Variants in GRAMD1B observed in about 807,000 individuals in gnomAD.
The protein encoded by GRAMD1B is GRAM domain containing 1B, also known as protein Aster-B.
Under a neutral mutation model 99.7 loss-of-function variants are expected in GRAMD1B, and 37 were observed. That is an observed-to-expected ratio of 0.37 (90% confidence interval 0.29 to 0.49). GRAMD1B has a LOEUF of 0.49. Among genes scored for constraint, GRAMD1B ranks in the 20% least tolerant of loss-of-function variants. The pLI, the probability that GRAMD1B is intolerant of heterozygous loss-of-function variation, is 0.98. For synonymous variants in GRAMD1B, 427 were observed against 387.6 expected, an observed-to-expected ratio of 1.10 and a Z score of -1.19; for missense variants, 888 against 1,009.2, an observed-to-expected ratio of 0.88 and a Z score of 1.63.
chr11:123,422,226 G>A (rs1469533828), intron 1 of GRAMD1B, among the ~76,000 whole-genome samples: 1 of 152,200 alleles, frequency 6.6e-6, no homozygotes, highest in East Asian at 1.9e-4. Flanking sequence ...GTGCAGCAGG[G>A]TAGAGGAAAC....
At chr11:123,569,180 CT>C (rs1286258984) in intron 2 of GRAMD1B, among the ~76,000 whole-genome samples, 1 of 152,148 alleles carries the variant, frequency 6.6e-6, no homozygotes, top group African/African-American at 2.4e-5. Context: ...CCTTTCAGCT[CT>C]TTCTCTGAAC....
intron 1 of GRAMD1B, among the ~76,000 whole-genome samples, chr11:123,394,211 G>A (rs1479260864): frequency 6.6e-6 from 1 of 152,062 alleles, no homozygotes; most frequent in Non-Finnish European, 1.5e-5. Context: ...TCATTCTTTT[G>A]CCTGCTATTA....
intron 4 of GRAMD1B, among the ~76,000 whole-genome samples, chr11:123,588,669 CA>C (rs1214593953): frequency 1.3e-5 from 2 of 152,148 alleles, no homozygotes; most frequent in African/African-American, 4.8e-5. Context: ...GAGAAGTTTG[CA>C]CGTGTGCTGG....
intron 2 of GRAMD1B, among the ~76,000 whole-genome samples, chr11:123,558,006 CAG>C (rs1318268160): frequency 9.1e-6 from 1 of 110,322 alleles, no homozygotes; most frequent in African/African-American, 3.3e-5. Context: ...TTTTTTAATG[CAG>C]AGTCTTGCTC....
chr11:123,594,594 G>A, intron 5 of GRAMD1B, 141 bp from the exon 6 acceptor site: 1 of 627,640 alleles, frequency 1.6e-6, no homozygotes, highest in South Asian at 1.9e-5. Context: ...TTGGCTGCTA[G>A]TTCAAGTGTC....
chr11:123,616,452 C>T lies in GRAMD1B; in HGVS notation c.2318+1617C>T, dbSNP rs561636775. The stretch of plus-strand genomic sequence containing the variant: ...TTGTATTGGATTTTGGTTTGTAGAG[C>T]ACTGTAACCTCAAGTTAGTTCTGTG... On this transcript the variant is annotated intron_variant, in intron 17 of 19. Transcript: ENST00000635736. Among the ~76,000 whole-genome samples, 65 of 152,352 alleles carry T rather than the reference C, an allele frequency of 4.3e-4. No individual in the cohort carries two copies. In the South Asian group the frequency reaches 0.013, roughly 30 times the overall value.
At chr11:123,585,225 G>GT (rs1949948628) in intron 4 of GRAMD1B, among the ~76,000 whole-genome samples, 1 of 152,248 alleles carries the variant, frequency 6.6e-6, no homozygotes, top group East Asian at 1.9e-4. Context: ...AGTAGCTGTG[G>GT]CTGTGAAGGA....
intron 2 of GRAMD1B, among the ~76,000 whole-genome samples, chr11:123,533,850 A>G (rs1057293617): frequency 9.8e-5 from 15 of 152,380 alleles, no homozygotes; most frequent in African/African-American, 3.4e-4. Flanking sequence ...GCAAGGTCAC[A>G]CAGCTCAAAA....
intron 1 of GRAMD1B, among the ~76,000 whole-genome samples, chr11:123,368,275 A>AAAAAAAAAAAAAAAAAAAAAGAAAG (rs60644137): frequency 7.9e-6 from 1 of 127,112 alleles, no homozygotes; most frequent in Non-Finnish European, 1.5e-5. Flanking sequence ...AAAAAAAAAA[A>AAAAAAAAAAAAAAAAAAAAAGAAAG]AAAGAAAGAA....
Position 123,386,018 on chromosome 11 carries a change from G to C in GRAMD1B, c.-176+27219G>C, listed in dbSNP as rs540047779. ...CTGTCAGGCAGATACTCTAGAATAA[G>C]AGAACATCATATGTATAGGCTTGGA... On this transcript the variant is annotated intron_variant, in intron 1 of 20. Coordinates refer to the GRAMD1B transcript ENST00000638157. Among the ~76,000 whole-genome samples, 4 of 152,282 alleles carry C rather than the reference G, an allele frequency of 2.6e-5. No homozygotes were observed. In the East Asian group the frequency reaches 5.8e-4, roughly 22 times the overall value.
intron 1 of GRAMD1B, among the ~76,000 whole-genome samples, chr11:123,389,178 A>G (rs1261591788): frequency 6.6e-6 from 1 of 151,994 alleles, no homozygotes; most frequent in Non-Finnish European, 1.5e-5. Flanking sequence ...AGGTCAGGGG[A>G]TTGAGACCAT....
At chr11:123,400,425 C>T (rs752503706) in intron 1 of GRAMD1B, among the ~76,000 whole-genome samples, 8 of 152,068 alleles carry the variant, frequency 5.3e-5, no homozygotes, top group Non-Finnish European at 8.8e-5. Context: ...TGCAGTGAGC[C>T]GAGATCGTGC....
intron 1 of GRAMD1B, among the ~76,000 whole-genome samples, chr11:123,435,168 T>C (rs938412188): frequency 1.3e-5 from 2 of 152,178 alleles, no homozygotes; most frequent in African/African-American, 2.4e-5. Context: ...GAAATGATGG[T>C]TGGAAAATGG....
intron 1 of GRAMD1B, among the ~76,000 whole-genome samples, chr11:123,418,010 C>T (rs913030801): frequency 2.0e-5 from 3 of 152,108 alleles, no homozygotes; most frequent in Non-Finnish European, 2.9e-5. Context: ...AGCAGCCCTC[C>T]CACCTTGGCC....
At chr11:123,599,724 C>T (rs1187810888) in intron 7 of GRAMD1B, among the ~76,000 whole-genome samples, 1 of 152,208 alleles carries the variant, frequency 6.6e-6, no homozygotes, top group Admixed American at 6.5e-5. Flanking sequence ...CCACCCACCT[C>T]GGCCTCCCAA....
At chr11:123,543,145 A>G (rs1300562818) in intron 2 of GRAMD1B, among the ~76,000 whole-genome samples, 2 of 152,126 alleles carry the variant, frequency 1.3e-5, no homozygotes, top group African/African-American at 4.8e-5. Flanking sequence ...GTGGGAAGAC[A>G]CCAGGGAGCA....
chr11:123,442,879 C>G (rs921303501), intron 1 of GRAMD1B, among the ~76,000 whole-genome samples: 1 of 150,048 alleles, frequency 6.7e-6, no homozygotes, highest in African/African-American at 2.4e-5. Flanking sequence ...CCCTTTTAGA[C>G]TATATAGGGT....
rs561573604 is a variant in GRAMD1B at position 123,394,713 on chromosome 11, G to A, written c.-176+35914G>A. On this transcript the variant is annotated intron_variant, in intron 1 of 20. Transcript: ENST00000638157. ...TAAATCATTTTGTGCTGCTATAACCGAATACCACAGACTAGGTAATTTACA... is the reference window on the plus strand; with the variant it reads ...TAAATCATTTTGTGCTGCTATAACCAAATACCACAGACTAGGTAATTTACA... 7.9e-5 allele frequency among the ~76,000 whole-genome samples: 12 copies of A among 152,168 alleles called. 1 individual carries two copies. The South Asian group carries it at 1.5e-3, about 18-fold the overall frequency.
intron 1 of GRAMD1B, chr11:123,381,404 G>A (rs1946869010): frequency 6.5e-6 from 1 of 154,358 alleles, no homozygotes; most frequent in African/African-American, 2.4e-5. Context: ...TAGGAGAGCT[G>A]GGTCCCAAAT....
Sources: allele counts gnomAD v4.1 joint callset (sites outside exome capture counted in the v4.1 genomes callset), GRCh38; gene constraint gnomAD v4.1.1; transcripts MANE v1.5; gene names NCBI Gene and HGNC (gene_info 2026-07-23, HGNC 2026-07-21).